Variants in PLXNA2 observed in about 807,000 individuals in gnomAD.
PLXNA2 encodes plexin A2, also known as plexin-A2.
In PLXNA2, 91 loss-of-function variants were observed where a neutral mutation model predicts 193.5. The ratio of observed to expected loss-of-function variants is 0.47; its 90% CI spans 0.40 to 0.56. PLXNA2 has a LOEUF of 0.56. Ranked by LOEUF, PLXNA2 falls within the 20% of genes least tolerant of loss-of-function variation. The probability of loss-of-function intolerance (pLI) is 0.00; values close to 1 mark genes in which losing one functional copy is unlikely to be tolerated. For synonymous variants in PLXNA2, 997 were observed against 1,027.3 expected, an observed-to-expected ratio of 0.97 and a Z score of 0.56; for missense variants, 1,995 against 2,503.2, an observed-to-expected ratio of 0.80 and a Z score of 4.33.
At chr1:208,160,834 T>C (rs1669087044) in intron 3 of PLXNA2, among the ~76,000 whole-genome samples, 1 of 152,270 alleles carries the variant, frequency 6.6e-6, no homozygotes, top group Admixed American at 6.5e-5. Flanking sequence ...GGCCTTGTAC[T>C]ATAATAGACT....
At chr1:208,223,849 A>T (rs1205100775) in intron 1 of PLXNA2, among the ~76,000 whole-genome samples, 1 of 152,168 alleles carries the variant, frequency 6.6e-6, no homozygotes, top group African/African-American at 2.4e-5. Flanking sequence ...GAGATTCTGA[A>T]ATTTTCTGAT....
intron 2 of PLXNA2, among the ~76,000 whole-genome samples, chr1:208,213,825 G>A (rs570612424): frequency 6.6e-6 from 1 of 152,314 alleles, no homozygotes; most frequent in South Asian, 2.1e-4. Flanking sequence ...AGGGGTGGAG[G>A]CAAGGGGCTC....
intron 3 of PLXNA2, among the ~76,000 whole-genome samples, chr1:208,189,462 C>T (rs1005214780): frequency 1.6e-4 from 25 of 151,832 alleles, no homozygotes; most frequent in Non-Finnish European, 3.2e-4. Flanking sequence ...AGAAGGGAAC[C>T]CTGACTCCTC....
At chr1:208,063,980 G>A (rs553362801) in intron 12 of PLXNA2, among the ~76,000 whole-genome samples, 5 of 152,032 alleles carry the variant, frequency 3.3e-5, no homozygotes, top group African/African-American at 4.8e-5. Context: ...ATTTCACCAC[G>A]TCTAAAAACG....
chr1:208,114,845 A>G (rs1221156021), intron 4 of PLXNA2, among the ~76,000 whole-genome samples: 1 of 152,316 alleles, frequency 6.6e-6, no homozygotes, highest in East Asian at 1.9e-4. Flanking sequence ...TGTGTGAAAG[A>G]GAGAGAGAGC....
chr1:208,029,126 G>A (rs1664426404), intron 29 of PLXNA2, 84 bp from the exon 30 acceptor site: 1 of 1,566,848 alleles, frequency 6.4e-7, no homozygotes, highest in African/African-American at 1.4e-5. Flanking sequence ...CCCATCAAAG[G>A]TCAAATTGTC....
chr1:208,102,119 A>G lies in PLXNA2; in HGVS notation c.1607+1028T>C, dbSNP rs187901545. Among the ~76,000 whole-genome samples the G allele has an allele frequency of 1.1e-3, 166 of 152,336 alleles. 1 individual carries two copies. Among genetic ancestry groups the G allele is most frequent in the African/African-American group, 3.5e-3 (146 of 41,568 alleles). On this transcript the variant is annotated intron_variant, in intron 5 of 31. Coordinates refer to ENST00000367033, the MANE Select transcript of PLXNA2 (RefSeq NM_025179.4). Reference sequence around the variant, plus strand: ...TTTTACCTCCAAAACCCAAGCAGGGAACCCAGTATTCACGGGCTCAAATCC... The same window carrying G: ...TTTTACCTCCAAAACCCAAGCAGGGGACCCAGTATTCACGGGCTCAAATCC...
chr1:208,238,400 C>T (rs1277163245), intron 1 of PLXNA2, among the ~76,000 whole-genome samples: 2 of 152,174 alleles, frequency 1.3e-5, no homozygotes, highest in African/African-American at 4.8e-5. Context: ...TTTCTCTATC[C>T]TCCCTTCCCC....
At chr1:208,157,607 C>T (rs1668975842) in intron 3 of PLXNA2, among the ~76,000 whole-genome samples, 1 of 152,080 alleles carries the variant, frequency 6.6e-6, no homozygotes, top group South Asian at 2.1e-4. Context: ...GGGGAGATAC[C>T]ACTCAAAATG....
intron 9 of PLXNA2, among the ~76,000 whole-genome samples, chr1:208,091,673 C>G (rs1444031592): frequency 6.6e-6 from 1 of 151,970 alleles, no homozygotes; most frequent in Non-Finnish European, 1.5e-5. Context: ...GAGATCGAGA[C>G]CATCCTGGCC....
intron 3 of PLXNA2, among the ~76,000 whole-genome samples, chr1:208,200,966 G>C (rs1486418801): frequency 6.6e-6 from 1 of 152,176 alleles, no homozygotes; most frequent in Admixed American, 6.5e-5. Context: ...GAATCAAAGA[G>C]AATTTGGGAC....
chr1:208,179,874 C>T (rs536119666), intron 3 of PLXNA2, among the ~76,000 whole-genome samples: 1 of 152,138 alleles, frequency 6.6e-6, no homozygotes, highest in Non-Finnish European at 1.5e-5. Flanking sequence ...CCCTGCCACC[C>T]CCCAACCCCT....
At chr1:208,132,365 AG>A (rs1199047794) in intron 4 of PLXNA2, among the ~76,000 whole-genome samples, 1 of 152,140 alleles carries the variant, frequency 6.6e-6, no homozygotes, top group Non-Finnish European at 1.5e-5. Context: ...CAGGGCAGCC[AG>A]GGGGCGCTGT....
chr1:208,029,223 T>A (rs1231392415), intron 29 of PLXNA2, 181 bp from the exon 30 acceptor site: 21 of 1,423,834 alleles, frequency 1.5e-5, no homozygotes, highest in Non-Finnish European at 1.9e-5. Context: ...CTGGGAGAAA[T>A]GGAAGGAGAG....
chr1:208,084,982 G>A (rs1666465773), intron 9 of PLXNA2, among the ~76,000 whole-genome samples: 1 of 152,096 alleles, frequency 6.6e-6, no homozygotes, highest in Non-Finnish European at 1.5e-5. Context: ...GCCGATGCCT[G>A]GGGCATCCGT....
intron 3 of PLXNA2, among the ~76,000 whole-genome samples, chr1:208,176,521 A>C (rs1177509398): frequency 6.6e-6 from 1 of 152,224 alleles, no homozygotes; most frequent in East Asian, 1.9e-4. Flanking sequence ...AAGAATGGAA[A>C]ATATCAACAA....
chr1:208,094,290 G>T (rs114148859), intron 8 of PLXNA2, among the ~76,000 whole-genome samples: 45 of 152,182 alleles, frequency 3.0e-4, no homozygotes, highest in African/African-American at 9.6e-4. Flanking sequence ...TCTTTCTGTG[G>T]GCCTCAGTTT....
chr1:208,167,709 A>C (rs1669355320), intron 3 of PLXNA2, among the ~76,000 whole-genome samples: 1 of 152,214 alleles, frequency 6.6e-6, no homozygotes, highest in Admixed American at 6.5e-5. Flanking sequence ...CCCTAACGGG[A>C]GTGAGCAGCA....
chr1:208,169,765 C>G (rs1167610150), intron 3 of PLXNA2, among the ~76,000 whole-genome samples: 1 of 152,114 alleles, frequency 6.6e-6, no homozygotes, highest in African/African-American at 2.4e-5. Flanking sequence ...GATTCTAGCC[C>G]CGATTATGGT....
Sources: gnomAD v4.1 joint callset for allele counts (sites outside exome capture counted in the v4.1 genomes callset) on GRCh38, gnomAD v4.1.1 for gene constraint, MANE v1.5 for transcripts, NCBI Gene and HGNC (gene_info 2026-07-23, HGNC 2026-07-21) for gene names.